The following SPOCK1 variants were observed in gnomAD, a reference collection of about 807,000 sequenced individuals.
SPOCK1 encodes testican-1.
A neutral mutation model predicts 55.3 loss-of-function variants in SPOCK1; 23 were observed. That is an observed-to-expected ratio of 0.42 (90% CI 0.30 to 0.59). The LOEUF is 0.59. SPOCK1 is among the 20% of genes least tolerant of loss of function. SPOCK1 has a pLI of 0.22. For synonymous variants in SPOCK1, 226 were observed against 221.0 expected, an observed-to-expected ratio of 1.02 and a Z score of -0.20; for missense variants, 499 against 552.5, an observed-to-expected ratio of 0.90 and a Z score of 0.97.
intron 4 of SPOCK1, among the ~76,000 whole-genome samples, chr5:137,114,072 T>C (rs1025862461): frequency 2.6e-5 from 4 of 152,126 alleles, no homozygotes; most frequent in Middle Eastern, 3.2e-3. Flanking sequence ...GGAACAACCT[T>C]TGAGGGTGAC....
chr5:136,984,602 C>T (rs1750803821), intron 9 of SPOCK1, among the ~76,000 whole-genome samples: 1 of 152,188 alleles, frequency 6.6e-6, no homozygotes, highest in South Asian at 2.1e-4. Flanking sequence ...AACACACATT[C>T]ACTCAACCCA....
chr5:137,354,712 T>C (rs1432079543), intron 2 of SPOCK1, among the ~76,000 whole-genome samples: 1 of 152,182 alleles, frequency 6.6e-6, no homozygotes, highest in Non-Finnish European at 1.5e-5. Context: ...GACTGTTTTG[T>C]GTCTCAGCCA....
rs909647966 is a variant in SPOCK1 at position 136,975,745 on chromosome 5, A to G, written c.*2909T>C. On this transcript the variant is annotated 3_prime_UTR_variant, in exon 11 of 11. Transcript: ENST00000394945. ...TGGGCGTAAAGGAGGAGAAACAGATACAAAATCTCCAACTCAGTATTAAGG... is the reference window on the plus strand; with the variant it reads ...TGGGCGTAAAGGAGGAGAAACAGATGCAAAATCTCCAACTCAGTATTAAGG... 1.3e-5 allele frequency: 2 copies of G among 152,212 alleles called. No homozygotes were observed. The highest frequency in any genetic ancestry group is 4.8e-5 in the African/African-American group (2 of 41,428). 9.4% of individuals were successfully genotyped at this position (152,212 alleles called of 1,614,324 possible). A position where few individuals can be genotyped will look rare whatever the true frequency, so the allele number is the denominator to read the frequency against.
At chr5:137,462,406 T>G (rs1753507939) in intron 2 of SPOCK1, among the ~76,000 whole-genome samples, 1 of 152,056 alleles carries the variant, frequency 6.6e-6, no homozygotes, top group African/African-American at 2.4e-5. Context: ...TGGCTCACAC[T>G]CCGAGGTGAG....
chr5:137,005,106 G>A (rs1300405496), intron 6 of SPOCK1, among the ~76,000 whole-genome samples: 1 of 152,148 alleles, frequency 6.6e-6, no homozygotes, highest in East Asian at 1.9e-4. Flanking sequence ...GCTGATAAGA[G>A]AAACCCTCTT....
intron 6 of SPOCK1, among the ~76,000 whole-genome samples, chr5:137,040,725 ATTTCACATCTCTCTGTATTAATCATCAG>A (rs1751979316): frequency 6.6e-6 from 1 of 152,226 alleles, no homozygotes; most frequent in South Asian, 2.1e-4. Context: ...AAAACAATCA[ATTTCACATCTCTCTGTATTAATCATCAG>A]CACTAGGAAT....
At chr5:137,340,200 G>T (rs1283099994) in intron 2 of SPOCK1, among the ~76,000 whole-genome samples, 3 of 152,180 alleles carry the variant, frequency 2.0e-5, no homozygotes, top group Non-Finnish European at 4.4e-5. Context: ...TTTGTTTCAA[G>T]AAAGGGGAAC....
chr5:137,243,868 C>T (rs537367155), intron 3 of SPOCK1, among the ~76,000 whole-genome samples: 50 of 152,206 alleles, frequency 3.3e-4, no homozygotes, highest in African/African-American at 1.1e-3. Context: ...CACACTGTTC[C>T]GCGGACTTGC....
In SPOCK1 at chr5:137,295,117, C is replaced by T. The variant is rs180919914; in HGVS notation, c.187-28062G>A. Among the ~76,000 whole-genome samples the T allele has an allele frequency of 5.9e-5, 9 of 152,296 alleles. No individual in the cohort carries two copies. The East Asian group carries it at 9.6e-4, about 16-fold the overall frequency. ...TCACTGATGCATCCCAGCACTTGAC[C>T]CACGGGAGATACTGCACAAATACCC... On this transcript the variant is annotated intron_variant, in intron 2 of 10. Coordinates refer to ENST00000394945, the MANE Select transcript of SPOCK1 (RefSeq NM_004598.4).
chr5:137,311,669 T>G (rs1019674267), intron 2 of SPOCK1, among the ~76,000 whole-genome samples: 1 of 152,214 alleles, frequency 6.6e-6, no homozygotes, highest in African/African-American at 2.4e-5. Flanking sequence ...ATAAATATCA[T>G]GTATACTCTG....
chr5:137,237,304 C>G (rs1174178582), intron 3 of SPOCK1, among the ~76,000 whole-genome samples: 2 of 152,148 alleles, frequency 1.3e-5, no homozygotes, highest in Non-Finnish European at 2.9e-5. Flanking sequence ...CAGTGTGTGC[C>G]TCTCTGAGAG....
intron 3 of SPOCK1, among the ~76,000 whole-genome samples, chr5:137,233,713 C>CTTTTTTT (rs56328555): frequency 1.0e-3 from 59 of 58,416 alleles, no homozygotes; most frequent in African/African-American, 1.2e-3. Flanking sequence ...AGGATATGCA[C>CTTTTTTT]TTTTTTTTTT....
intron 3 of SPOCK1, among the ~76,000 whole-genome samples, chr5:137,176,387 T>C (rs985466627): frequency 1.3e-5 from 2 of 152,050 alleles, no homozygotes; most frequent in Non-Finnish European, 2.9e-5. Context: ...CAGGGAAGAC[T>C]CTTGGATGTC....
In SPOCK1 at chr5:137,454,541, A is replaced by G. The variant is rs1475510837; in HGVS notation, c.186+43832T>C. Among the ~76,000 whole-genome samples, 5 of 152,198 alleles carry G rather than the reference A, an allele frequency of 3.3e-5. No individual in the cohort carries two copies. The East Asian group carries it at 9.6e-4, about 29-fold the overall frequency. On this transcript the variant is annotated intron_variant, in intron 2 of 10. Transcript: ENST00000394945. ...AGGGGAGGGGGGAACAATGAGATAT[A>G]ACTTGCTAAGGTAATGAAGTGAGTC...
At chr5:136,985,090 A>T in intron 9 of SPOCK1, 50 bp downstream of exon 9, 2 of 1,544,676 alleles carry the variant, frequency 1.3e-6, no homozygotes, top group South Asian at 2.2e-5. Context: ...TACAAGGGAC[A>T]TGGCTGGCTT....
At chr5:137,379,100 C>G (rs1322220243) in intron 2 of SPOCK1, among the ~76,000 whole-genome samples, 2 of 152,146 alleles carry the variant, frequency 1.3e-5, no homozygotes, top group African/African-American at 2.4e-5. Flanking sequence ...TAAACACTCT[C>G]CCATCACCAG....
At chr5:137,236,765 G>A (rs1369614312) in intron 3 of SPOCK1, among the ~76,000 whole-genome samples, 1 of 152,150 alleles carries the variant, frequency 6.6e-6, no homozygotes, top group Non-Finnish European at 1.5e-5. Flanking sequence ...ATTCCCCACT[G>A]GTCACACATA....
At chr5:137,411,560 G>A (rs1752208608) in intron 2 of SPOCK1, among the ~76,000 whole-genome samples, 1 of 152,216 alleles carries the variant, frequency 6.6e-6, no homozygotes, top group Admixed American at 6.5e-5. Context: ...AGTAACCAAT[G>A]TGATGTTCTG....
At chr5:137,406,678 C>T (rs917157110) in intron 2 of SPOCK1, among the ~76,000 whole-genome samples, 1 of 152,202 alleles carries the variant, frequency 6.6e-6, no homozygotes, top group African/African-American at 2.4e-5. Context: ...CAGCGGCCCT[C>T]AGAGGGAGGT....
Sources: gnomAD v4.1 joint callset for allele counts (sites outside exome capture counted in the v4.1 genomes callset) on GRCh38, gnomAD v4.1.1 for gene constraint, MANE v1.5 for transcripts, NCBI Gene and HGNC (gene_info 2026-07-23, HGNC 2026-07-21) for gene names.